Variants in SRSF10 observed in about 807,000 individuals in gnomAD.
The protein encoded by SRSF10 is serine and arginine rich splicing factor 10, also known as serine/arginine-rich splicing factor 10.
SRSF10 carries 9 observed loss-of-function variants against 32.6 expected under a neutral mutation model. The ratio of observed to expected loss-of-function variants is 0.28; its 90% CI spans 0.17 to 0.48. The LOEUF (loss-of-function observed/expected upper bound fraction) is 0.48. Ranked by LOEUF, SRSF10 falls within the 20% of genes least tolerant of loss-of-function variation. The probability of loss-of-function intolerance (pLI) is 0.99; values close to 1 mark genes in which losing one functional copy is unlikely to be tolerated. For synonymous variants in SRSF10, 105 were observed against 112.4 expected (o/e 0.93, Z 0.42); for missense variants, 201 against 331.8 (o/e 0.61, Z 3.06).
At chr1:23,973,430 A>C (rs372891759) in intron 3 of SRSF10, among the ~76,000 whole-genome samples, 1,746 of 152,230 alleles carry the variant, frequency 0.011, 33 homozygotes, top group African/African-American at 0.038. Context: ...CCTGGGCCCA[A>C]GTGATCCTCC....
intron 2 of SRSF10, chr1:23,976,117 A>G (rs1176496610): frequency 6.6e-6 from 1 of 152,238 alleles, no homozygotes; most frequent in Non-Finnish European, 1.5e-5. Context: ...TAGGTTAGGT[A>G]CAGGTATAGG....
In SRSF10 at chr1:23,971,229, T is replaced by C. The variant is rs1641737332; in HGVS notation, c.702A>G (p.Arg234=). 3 of 1,614,132 alleles carry C rather than the reference T, an allele frequency of 1.9e-6. No individual in the cohort carries two copies. The highest frequency in any genetic ancestry group is 1.7e-5 in the Admixed American group (1 of 60,010). ...EKESRKKEPP[R]SKSQSRSQSR... ...ACTGTGATCTTGACTGAGATTTGGA[T>C]CTAGGTGGTTCTTTTTTCCTTGATT... The change falls in exon 6 of 6, where the codon AGA becomes AGG. Residue 234 remains arginine, a synonymous_variant. Transcript: ENST00000492112.
Position 23,968,431 on chromosome 1 carries a change from A to G in SRSF10, c.*2711T>C, listed in dbSNP as rs1350568160. Among the ~76,000 whole-genome samples, 1 of 152,120 alleles carries G rather than the reference A, an allele frequency of 6.6e-6. No homozygotes were observed. Among genetic ancestry groups the G allele is most frequent in the Non-Finnish European group, 1.5e-5 (1 of 67,998 alleles). On this transcript the variant is annotated 3_prime_UTR_variant, in exon 6 of 6. Coordinates refer to ENST00000492112, the MANE Select transcript of SRSF10 (RefSeq NM_054016.4). ...ACTAAGGGACCAGGCCTGGGCTTAA[A>G]TCCTGGCTCTGCCTTACAGTCTTTT...
chr1:23,967,736 A>G lies in SRSF10; in HGVS notation c.*3406T>C, dbSNP rs1641519231. The stretch of plus-strand genomic sequence containing the variant: ...GCTGCAGTTTGGTCTTAAATAAAAG[A>G]AGGATGTTTGTCAGTTTGGTTTCCT... On this transcript the variant is annotated 3_prime_UTR_variant, in exon 6 of 6. Transcript: ENST00000492112. The G allele has an allele frequency of 1.9e-6, 3 of 1,611,500 alleles. No homozygotes were observed. The highest frequency in any genetic ancestry group is 1.7e-5 in the Admixed American group (1 of 59,922).
chr1:23,969,518 T>C lies in SRSF10; in HGVS notation c.*1624A>G. On this transcript the variant is annotated 3_prime_UTR_variant, in exon 6 of 6. Coordinates refer to ENST00000492112, the MANE Select transcript of SRSF10 (RefSeq NM_054016.4). ...CAGTATTTAAAATCCATCGTTGTAT[T>C]CTTTACAGGCAAAGCCTAGATTACT... is the stretch of plus-strand genomic sequence containing the variant. The C allele has an allele frequency of 1.0e-6, 1 of 985,438 alleles. No homozygotes were observed. The allele number at this position is 985,438 out of a possible 1,614,324, so 61.0% of individuals were successfully genotyped here.
chr1:23,967,647 G>C lies in SRSF10; in HGVS notation c.*3495C>G. On this transcript the variant is annotated 3_prime_UTR_variant, in exon 6 of 6. Transcript: ENST00000492112. ...TTGGTCGCTTGAACTGCCCTTCTTT[G>C]GTTCTTTTTCCGCTTTCAGATCTTT... is the stretch of plus-strand genomic sequence containing the variant. 6.7e-7 allele frequency: 1 copy of C among 1,503,144 alleles called. No homozygotes were observed. Among genetic ancestry groups the C allele is most frequent in the Non-Finnish European group, 9.3e-7 (1 of 1,079,774 alleles). The allele number at this position is 1,503,144 out of a possible 1,614,324, so 93.1% of individuals were successfully genotyped here. A position where few individuals can be genotyped will look rare whatever the true frequency, so the allele number is the denominator to read the frequency against.
chr1:23,971,808 T>C (rs1297464989), intron 4 of SRSF10, 42 bp downstream of exon 4: 25 of 1,565,806 alleles, frequency 1.6e-5, no homozygotes, highest in Non-Finnish European at 2.0e-5. Flanking sequence ...TGCTAACAAA[T>C]ACATTTTTTA....
At chr1:23,972,259 G>A (rs1201489290) in intron 3 of SRSF10, among the ~76,000 whole-genome samples, 2 of 151,936 alleles carry the variant, frequency 1.3e-5, no homozygotes, top group Admixed American at 1.3e-4. Context: ...AAAATAATTA[G>A]CTGGGCCTAG....
At chr1:23,978,932 C>A (rs1570793979) in intron 1 of SRSF10, 115 bp from the exon 2 acceptor site, 3 of 857,480 alleles carry the variant, frequency 3.5e-6, no homozygotes, top group East Asian at 2.6e-5. Context: ...GATAAAAATG[C>A]AGTTTACATT....
At position 23,967,318 on chromosome 1, in the gene SRSF10, G is replaced by GA. The variant is rs1235273827; in HGVS notation, c.*3823dup. 1 of 202,320 alleles carries GA rather than the reference G, an allele frequency of 4.9e-6. No individual in the cohort carries two copies. Among genetic ancestry groups the GA allele is most frequent in the African/African-American group, 2.3e-5 (1 of 43,288 alleles). The allele number at this position is 202,320 out of a possible 1,614,324, so 12.5% of individuals were successfully genotyped here. A position where few individuals can be genotyped will look rare whatever the true frequency, so the allele number is the denominator to read the frequency against. ...TACCTTTTCCCACCCAATTCAGTTT[G>GA]AGACAGACCAACAGAGGCACTGTAA... On this transcript the variant is annotated 3_prime_UTR_variant, in exon 6 of 6. Transcript: ENST00000492112.
At chr1:23,978,601 C>T (rs1463048141) in intron 2 of SRSF10, 112 bp downstream of exon 2, 1 of 1,327,544 alleles carries the variant, frequency 7.5e-7, no homozygotes, top group Non-Finnish European at 9.9e-7. Flanking sequence ...AATTTGAAGA[C>T]AGACATTTAT....
rs984120119 is a variant in SRSF10, at chr1:23,970,674, G to A, written c.*468C>T. 1 of 986,800 alleles carries A rather than the reference G, an allele frequency of 1.0e-6. No individual in the cohort carries two copies. Among genetic ancestry groups the A allele is most frequent in the African/African-American group, 1.7e-5 (1 of 57,208 alleles). The allele number at this position is 986,800 out of a possible 1,614,324, so 61.1% of individuals were successfully genotyped here. On this transcript the variant is annotated 3_prime_UTR_variant, in exon 6 of 6. Coordinates refer to ENST00000492112, the MANE Select transcript of SRSF10 (RefSeq NM_054016.4). The stretch of plus-strand genomic sequence containing the variant: ...ACGCCCAGCCGGGCCTAGACATCTT[G>A]ACAAGACATAAAGGTCCACCCTGAA...
intron 2 of SRSF10, 142 bp downstream of exon 2, chr1:23,978,571 A>G: frequency 9.4e-7 from 1 of 1,061,158 alleles, no homozygotes. Flanking sequence ...GCAATGTGTG[A>G]GTCAGAATTA....
rs1428368103 is a variant in SRSF10, at chr1:23,968,307, CTTCTAG to C, written c.*2829_*2834del. ...AGTAAAAATAAAAATGAAATTAGGC[CTTCTAG>C]TTCTATACAGAAAATGAACAATTTC... On this transcript the variant is annotated 3_prime_UTR_variant, in exon 6 of 6. Coordinates refer to ENST00000492112, the MANE Select transcript of SRSF10 (RefSeq NM_054016.4). Among the ~76,000 whole-genome samples the C allele has an allele frequency of 6.6e-6, 1 of 152,084 alleles. No individual in the cohort carries two copies. Among genetic ancestry groups the C allele is most frequent in the Non-Finnish European group, 1.5e-5 (1 of 67,978 alleles).
chr1:23,970,144 AATT>A lies in SRSF10; in HGVS notation c.*995_*997del. 1.0e-6 allele frequency: 1 copy of A among 985,378 alleles called. No individual in the cohort carries two copies. The allele number at this position is 985,378 out of a possible 1,614,324, so 61.0% of individuals were successfully genotyped here. On this transcript the variant is annotated 3_prime_UTR_variant, in exon 6 of 6. Transcript: ENST00000492112. ...CATAAGAATATTCCTTTTTCCTTAA[AATT>A]ATTTTTGCCATCAACGACCTGCTCA...
rs1641639166 is a variant in SRSF10, at chr1:23,969,857, GA to G, written c.*1284del. 1 of 985,250 alleles carries G rather than the reference GA, an allele frequency of 1.0e-6. No individual in the cohort carries two copies. The highest frequency in any genetic ancestry group is 6.1e-5 in the Admixed American group (1 of 16,262). 61.0% of individuals were successfully genotyped at this position (985,250 alleles called of 1,614,324 possible). A position where few individuals can be genotyped will look rare whatever the true frequency, so the allele number is the denominator to read the frequency against. On this transcript the variant is annotated 3_prime_UTR_variant, in exon 6 of 6. Transcript: ENST00000492112. ...TTACCTTAAATTTCATGGCACCACA[GA>G]ATCACCTAGAATGAGTGTTGTCTTA...
intron 1 of SRSF10, among the ~76,000 whole-genome samples, chr1:23,979,485 G>T (rs944065231): frequency 6.6e-6 from 1 of 152,114 alleles, no homozygotes; most frequent in Non-Finnish European, 1.5e-5. Flanking sequence ...AAGGCAACTC[G>T]AAACAAGGGA....
chr1:23,978,263 C>T, intron 2 of SRSF10: 1 of 988,884 alleles, frequency 1.0e-6, no homozygotes, highest in Non-Finnish European at 1.2e-6. Context: ...AACTGTACAG[C>T]TTTACATTCT....
chr1:23,972,040 T>TA, intron 3 of SRSF10, 28 bp from the exon 4 acceptor site: 1 of 1,447,800 alleles, frequency 6.9e-7, no homozygotes, highest in Non-Finnish European at 9.1e-7. Flanking sequence ...CAGAAATATT[T>TA]AAAAATATTA....
Sources: gnomAD v4.1 joint callset for allele counts (sites outside exome capture counted in the v4.1 genomes callset) on GRCh38, gnomAD v4.1.1 for gene constraint, MANE v1.5 for transcripts, NCBI Gene and HGNC (gene_info 2026-07-23, HGNC 2026-07-21) for gene names.